Variants in GALNT6 observed in about 807,000 individuals in gnomAD.
The protein encoded by GALNT6 is GalNAc transferase 6.
GALNT6 carries 51 observed loss-of-function variants against 65.9 expected under a neutral mutation model. The observed-to-expected ratio is 0.77, with a 90% CI of 0.62 to 0.98. GALNT6 has a LOEUF of 0.98. GALNT6 is among the 50% of genes least tolerant of loss of function. The pLI, the probability that GALNT6 is intolerant of heterozygous loss-of-function variation, is 0.00. For missense variants in GALNT6, 708 were observed against 803.3 expected (o/e 0.88, Z 1.43); for synonymous variants, 323 against 315.1 (o/e 1.02, Z -0.26).
In GALNT6 at chr12:51,360,799, C is replaced by G. The variant is rs1168115825; in HGVS notation, c.1089G>C (p.Lys363Asn). 6.2e-7 allele frequency: 1 copy of G among 1,613,694 alleles called. No individual in the cohort carries two copies. Among genetic ancestry groups the G allele is most frequent in the Admixed American group, 1.7e-5 (1 of 60,006 alleles). ...TFAGGLFSISKSYFEHIGTYD... is the reference protein window; with the variant it reads ...TFAGGLFSISNSYFEHIGTYD... ...AGGTACCGATGTGCTCAAAGTAGGA[C>G]TTGGAGATGGAGAAGAGGCCACCAG... The change falls in exon 7 of 12, where the codon AAG becomes AAC. Residue 363 changes from lysine to asparagine, a missense_variant. Lys to Asn is a moderately conservative substitution (Grantham distance 94). Coordinates refer to ENST00000356317, the MANE Select transcript of GALNT6 (RefSeq NM_007210.4).
intron 4 of GALNT6, 72 bp from the exon 5 acceptor site, chr12:51,365,651 TA>T: frequency 6.7e-7 from 1 of 1,500,108 alleles, no homozygotes; most frequent in Admixed American, 1.8e-5. Context: ...GGCACCAAGC[TA>T]GGGGCTCTCA....
intron 5 of GALNT6, among the ~76,000 whole-genome samples, chr12:51,365,038 A>T (rs1439855404): frequency 6.6e-6 from 1 of 152,152 alleles, no homozygotes; most frequent in African/African-American, 2.4e-5. Flanking sequence ...GGTTTTGGGC[A>T]AGAAGGAGGC....
At chr12:51,388,437 A>C (rs1240196283) in intron 2 of GALNT6, among the ~76,000 whole-genome samples, 1 of 152,216 alleles carries the variant, frequency 6.6e-6, no homozygotes, top group Non-Finnish European at 1.5e-5. Context: ...CTCACTGGCT[A>C]TCTTTTCTTC....
At chr12:51,389,344 T>TA (rs1290668671) in intron 2 of GALNT6, among the ~76,000 whole-genome samples, 2 of 152,210 alleles carry the variant, frequency 1.3e-5, no homozygotes, top group Non-Finnish European at 2.9e-5. Context: ...CAAATCAAGT[T>TA]ACAGTTATCT....
intron 4 of GALNT6, among the ~76,000 whole-genome samples, chr12:51,371,539 C>A (rs923916847): frequency 1.3e-5 from 2 of 152,150 alleles, no homozygotes; most frequent in African/African-American, 4.8e-5. Flanking sequence ...CCTGGCTACT[C>A]CGGTGAAAAG....
At position 51,355,651 on chromosome 12, in the gene GALNT6, G is replaced by A. The variant is rs569306489; in HGVS notation, c.1755+155C>T. On this transcript the variant is annotated intron_variant, in intron 11 of 11. Coordinates refer to ENST00000356317, the MANE Select transcript of GALNT6 (RefSeq NM_007210.4). ...TGCCCAGCTAATTTTTGTATTATTA[G>A]TAGAGATGGGGTTTCACCATGTTGG... 3.3e-5 allele frequency among the ~76,000 whole-genome samples: 5 copies of A among 152,224 alleles called. No individual in the cohort carries two copies. The East Asian group carries it at 9.6e-4, about 29-fold the overall frequency.
intron 11 of GALNT6, among the ~76,000 whole-genome samples, chr12:51,354,840 T>C (rs2137519696): frequency 6.6e-6 from 1 of 152,264 alleles, no homozygotes. Flanking sequence ...TTGGATTATG[T>C]TTAGACTGCT....
rs528326531 is a variant in GALNT6 at position 51,352,338 on chromosome 12, T to G, written c.*2041A>C. 6.6e-6 allele frequency: 1 copy of G among 152,326 alleles called. No individual in the cohort carries two copies. The highest frequency in any genetic ancestry group is 2.4e-5 in the African/African-American group (1 of 41,562). The allele number at this position is 152,326 out of a possible 1,614,324, so 9.4% of individuals were successfully genotyped here. ...ACCCTCCCGAGCCTTATCAGAGTCC[T>G]TACCCTCAGGGCTACTGATACCTTG... On this transcript the variant is annotated 3_prime_UTR_variant, in exon 12 of 12. Coordinates refer to ENST00000356317, the MANE Select transcript of GALNT6 (RefSeq NM_007210.4).
chr12:51,371,054 A>AAATT (rs1947276915), intron 4 of GALNT6, among the ~76,000 whole-genome samples: 1 of 144,450 alleles, frequency 6.9e-6, no homozygotes. Context: ...CCTTTTAAAA[A>AAATT]ATTATTATTA....
intron 4 of GALNT6, among the ~76,000 whole-genome samples, chr12:51,375,534 C>G (rs1184626795): frequency 6.6e-6 from 1 of 152,008 alleles, no homozygotes. Flanking sequence ...ATATCCCTCA[C>G]CCACCATGTA....
chr12:51,386,546 A>G (rs1352842788), intron 2 of GALNT6, among the ~76,000 whole-genome samples: 1 of 152,196 alleles, frequency 6.6e-6, no homozygotes, highest in Non-Finnish European at 1.5e-5. Flanking sequence ...TCTATTTATC[A>G]GGTGAGCTGG....
chr12:51,379,757 T>C lies in GALNT6; in HGVS notation c.25A>G (p.Met9Val), dbSNP rs748311907. The C allele has an allele frequency of 1.2e-6, 2 of 1,609,824 alleles. No homozygotes were observed. ...CCCACCATGGCCAGGCGCAGGGGCA[T>C]GTGGCGTCTGCGGAGGAGCCTCATC... MRLLRRRHMPLRLAMVGCA... is the reference protein window; with the variant it reads MRLLRRRHVPLRLAMVGCA... Residue 9 changes from methionine (M) to valine (V), a missense_variant, in exon 3 of 12, where the codon ATG (methionine) becomes GTG (valine). Met to Val is a conservative substitution (Grantham distance 21). Transcript: ENST00000356317.
At chr12:51,384,548 C>G (rs897526060) in intron 2 of GALNT6, among the ~76,000 whole-genome samples, 1 of 151,864 alleles carries the variant, frequency 6.6e-6, no homozygotes, top group Non-Finnish European at 1.5e-5. Flanking sequence ...AAAAATTAGC[C>G]AGGCATGGTG....
At chr12:51,355,672 G>A (rs1946722709) in intron 11 of GALNT6, 134 bp downstream of exon 11, 2 of 689,020 alleles carry the variant, frequency 2.9e-6, no homozygotes, top group Non-Finnish European at 4.9e-6. Context: ...GTTTCACCAT[G>A]TTGGCCAGGT....
At chr12:51,366,665 G>C (rs968922535) in intron 4 of GALNT6, among the ~76,000 whole-genome samples, 11 of 152,158 alleles carry the variant, frequency 7.2e-5, no homozygotes, top group African/African-American at 2.7e-4. Flanking sequence ...ATCTAACAGA[G>C]GTAGTGCTGG....
chr12:51,357,563 G>T (rs1479907053), intron 9 of GALNT6, 113 bp from the exon 10 acceptor site: 2 of 700,336 alleles, frequency 2.9e-6, no homozygotes, highest in Non-Finnish European at 5.3e-6. Flanking sequence ...AAATTTGCAT[G>T]GCTGGATTTC....
In GALNT6 at chr12:51,377,334, T is replaced by TG; in HGVS notation, c.524dup (p.Leu176ThrfsTer42). 1 of 1,612,664 alleles carries TG rather than the reference T, an allele frequency of 6.2e-7. No homozygotes were observed. On this transcript the variant is annotated frameshift_variant, in exon 4 of 12. Transcript: ENST00000356317. LOFTEE classifies it high-confidence loss of function. ...CAATGATCACGCTGGTGGTGGCCAG[T>TG]GGGGGGCAGCGCCGGAACTTCTGGT...
intron 8 of GALNT6, among the ~76,000 whole-genome samples, chr12:51,358,636 A>C (rs1458960117): frequency 2.6e-5 from 4 of 152,150 alleles, no homozygotes; most frequent in Admixed American, 2.0e-4. Context: ...GTCTGGGCTG[A>C]AGTAGTGCAG....
intron 6 of GALNT6, 21 bp downstream of exon 6, chr12:51,364,100 T>G: frequency 6.4e-7 from 1 of 1,555,492 alleles, no homozygotes. Flanking sequence ...GGTTGGGGGC[T>G]CACCAGGCTG....
Sources: allele counts gnomAD v4.1 joint callset (sites outside exome capture counted in the v4.1 genomes callset), GRCh38; gene constraint gnomAD v4.1.1; transcripts MANE v1.5; gene names NCBI Gene and HGNC (gene_info 2026-07-23, HGNC 2026-07-21).